TTLL1: variants seen among roughly 807,000 people sequenced by gnomAD.
The protein encoded by TTLL1 is TTL family tubulin polyglutamylase complex subunit L1.
TTLL1 carries 33 observed loss-of-function variants against 47.8 expected under a neutral mutation model. The observed-to-expected ratio is 0.69, with a 90% confidence interval of 0.52 to 0.92. The LOEUF is 0.92. Among genes scored for constraint, TTLL1 ranks in the 40% least tolerant of loss-of-function variants. The pLI is 0.00. For missense variants in TTLL1, 488 were observed against 547.5 expected, an observed-to-expected ratio of 0.89 and a Z score of 1.08; for synonymous variants, 225 against 214.1, an observed-to-expected ratio of 1.05 and a Z score of -0.45.
At chr22:43,040,436 G>A (rs1415462208) in intron 10 of TTLL1, among the ~76,000 whole-genome samples, 1 of 151,946 alleles carries the variant, frequency 6.6e-6, no homozygotes, top group Non-Finnish European at 1.5e-5. Flanking sequence ...TGTGACCCAC[G>A]CCACCCCTCC....
intron 10 of TTLL1, 127 bp from the exon 11 acceptor site, chr22:43,040,032 G>A (rs1482685337): frequency 4.6e-6 from 6 of 1,309,040 alleles, no homozygotes; most frequent in African/African-American, 1.5e-5. Flanking sequence ...CCACCCTCGC[G>A]ACTCCTGCTG....
At chr22:43,051,752 G>A (rs1460726677) in intron 9 of TTLL1, 49 bp downstream of exon 9, 3 of 1,576,458 alleles carry the variant, frequency 1.9e-6, no homozygotes, top group African/African-American at 2.7e-5. Flanking sequence ...GCAGAAGTGT[G>A]TTGGGGGCTA....
intron 8 of TTLL1, among the ~76,000 whole-genome samples, chr22:43,056,520 C>T (rs755096849): frequency 5.6e-5 from 8 of 143,368 alleles, no homozygotes; most frequent in Admixed American, 2.1e-4. Context: ...CAGTAGCTCA[C>T]GCCTGTAATC....
chr22:43,064,400 C>A, intron 5 of TTLL1, 76 bp from the exon 6 acceptor site: 1 of 1,506,950 alleles, frequency 6.6e-7, no homozygotes, highest in Non-Finnish European at 9.0e-7. Flanking sequence ...AAAGGAATAA[C>A]TGATAAGCCG....
intron 9 of TTLL1, among the ~76,000 whole-genome samples, chr22:43,048,961 C>T (rs1926374138): frequency 6.6e-6 from 1 of 151,522 alleles, no homozygotes; most frequent in African/African-American, 2.4e-5. Flanking sequence ...AAAAAATACC[C>T]AAAACACTAG....
chr22:43,059,202 C>G (rs1037718804), intron 8 of TTLL1, among the ~76,000 whole-genome samples, 182 bp downstream of exon 8: 2 of 152,028 alleles, frequency 1.3e-5, no homozygotes, highest in African/African-American at 2.4e-5. Flanking sequence ...GTATGTGGGC[C>G]AGGCTAGTCT....
chr22:43,059,675 G>T, intron 7 of TTLL1, 148 bp from the exon 8 acceptor site: 1 of 1,033,324 alleles, frequency 9.7e-7, no homozygotes, highest in Non-Finnish European at 1.4e-6. Context: ...CTGCCCCAGG[G>T]AGATCTGGGC....
At chr22:43,061,139 G>A (rs1036998523) in intron 7 of TTLL1, among the ~76,000 whole-genome samples, 2 of 152,178 alleles carry the variant, frequency 1.3e-5, no homozygotes, top group Admixed American at 1.3e-4. Context: ...GCAGTGAGCC[G>A]AGATCCTGCC....
chr22:43,044,865 CTT>C (rs61161449), intron 10 of TTLL1, among the ~76,000 whole-genome samples: 30 of 143,290 alleles, frequency 2.1e-4, no homozygotes, highest in East Asian at 2.0e-4. Flanking sequence ...TGGGTCAATC[CTT>C]TTTTTTTTTT....
rs1484400535 is a variant in TTLL1 at position 43,069,617 on chromosome 22, C to T, written c.322+19G>A. The T allele has an allele frequency of 8.1e-6, 13 of 1,613,766 alleles. No individual in the cohort carries two copies. Among genetic ancestry groups the T allele is most frequent in the Middle Eastern group, 1.6e-4 (1 of 6,084 alleles). ...TCAGCTGTTTACTGAAAACATGAGC[C>T]GGTGGAAGACGCACAAACCCAGATA... is the stretch of plus-strand genomic sequence containing the variant. On this transcript the variant is annotated intron_variant, in intron 4 of 10. Coordinates refer to ENST00000266254, the MANE Select transcript of TTLL1 (RefSeq NM_012263.5).
At chr22:43,082,483 AGGTG>A (rs2146994181) in intron 1 of TTLL1, among the ~76,000 whole-genome samples, 1 of 152,248 alleles carries the variant, frequency 6.6e-6, no homozygotes, top group East Asian at 1.9e-4. Flanking sequence ...TGGAAGGCTG[AGGTG>A]GGTGGATCAC....
At chr22:43,075,399 C>A in intron 3 of TTLL1, 75 bp downstream of exon 3, 1 of 1,262,728 alleles carries the variant, frequency 7.9e-7, no homozygotes. Flanking sequence ...AGGCCACTCT[C>A]TGGGAGGCAC....
intron 3 of TTLL1, 35 bp from the exon 4 acceptor site, chr22:43,069,879 G>A (rs200316259): frequency 6.2e-7 from 1 of 1,610,784 alleles, no homozygotes; most frequent in Admixed American, 1.7e-5. Flanking sequence ...ACTTGGCAGT[G>A]ATGTCTGTGT....
intron 3 of TTLL1, among the ~76,000 whole-genome samples, chr22:43,073,222 G>T (rs548128875): frequency 2.0e-5 from 3 of 151,636 alleles, no homozygotes; most frequent in Admixed American, 2.0e-4. Flanking sequence ...CACCATGTTG[G>T]CCATGGTTGG....
At chr22:43,051,330 A>C (rs1452163981) in intron 9 of TTLL1, among the ~76,000 whole-genome samples, 1 of 152,260 alleles carries the variant, frequency 6.6e-6, no homozygotes, top group Non-Finnish European at 1.5e-5. Context: ...CACCCACTGA[A>C]AGAGGCAGAG....
Position 43,076,158 on chromosome 22 carries a change from C to T in TTLL1, c.-4-568G>A, listed in dbSNP as rs543774197. On this transcript the variant is annotated intron_variant, in intron 2 of 10. Coordinates refer to ENST00000266254, the MANE Select transcript of TTLL1 (RefSeq NM_012263.5). The stretch of plus-strand genomic sequence containing the variant: ...TCACCCTCTGTAACTGCAGAGTGAC[C>T]GTAAGTGTTTATCTGGACTGGGCGT... Among the ~76,000 whole-genome samples the T allele has an allele frequency of 7.2e-5, 11 of 152,256 alleles. No individual in the cohort carries two copies. The South Asian group carries it at 1.2e-3, about 17-fold the overall frequency.
chr22:43,064,673 C>T (rs1334475733), intron 5 of TTLL1, among the ~76,000 whole-genome samples: 5 of 152,138 alleles, frequency 3.3e-5, no homozygotes, highest in Non-Finnish European at 7.4e-5. Context: ...TTGCAGTGAG[C>T]TGAGATGGCA....
chr22:43,088,993 T>G (rs1929434220), intron 1 of TTLL1, among the ~76,000 whole-genome samples: 1 of 152,018 alleles, frequency 6.6e-6, no homozygotes. Flanking sequence ...GGGAAACGTG[T>G]AGGAACAATG....
chr22:43,069,532 A>T, intron 4 of TTLL1, 104 bp downstream of exon 4: 1 of 1,554,766 alleles, frequency 6.4e-7, no homozygotes, highest in Non-Finnish European at 8.6e-7. Context: ...TCGCATGGAC[A>T]TGCTCACGCA....
Sources: allele counts gnomAD v4.1 joint callset (sites outside exome capture counted in the v4.1 genomes callset), GRCh38; gene constraint gnomAD v4.1.1; transcripts MANE v1.5; gene names NCBI Gene and HGNC (gene_info 2026-07-23, HGNC 2026-07-21).